The following PEBP4 variants were observed in gnomAD, a reference collection of about 807,000 sequenced individuals.
PEBP4 encodes the protein phosphatidylethanolamine-binding protein 4.
PEBP4 carries 22 observed loss-of-function variants against 23.9 expected under a neutral mutation model. The observed-to-expected ratio is 0.92, with a 90% CI of 0.66 to 1.31. The LOEUF (loss-of-function observed/expected upper bound fraction) is 1.31, where lower values mean the gene tolerates loss of function less well. PEBP4 is among the 40% of genes most tolerant of loss of function. The pLI is 0.00. For synonymous variants in PEBP4, 112 were observed against 99.3 expected, an observed-to-expected ratio of 1.13 and a Z score of -0.76; for missense variants, 324 against 281.7, an observed-to-expected ratio of 1.15 and a Z score of -1.07.
chr8:22,861,415 C>T lies in PEBP4; in HGVS notation c.259-43680G>A, dbSNP rs191531237. Among the ~76,000 whole-genome samples, 208 of 152,338 alleles carry T rather than the reference C, an allele frequency of 1.4e-3. 1 individual carries two copies. Among genetic ancestry groups the T allele is most frequent in the Non-Finnish European group, 2.2e-3 (151 of 68,036 alleles). The stretch of plus-strand genomic sequence containing the variant: ...AGCTAGGATAAATAAATATCGACTA[C>T]TATCCCCATTTCGCAAATGATACAA... On this transcript the variant is annotated intron_variant, in intron 3 of 6. Transcript: ENST00000256404.
chr8:22,883,910 G>C (rs1042594799), intron 3 of PEBP4: 5 of 152,134 alleles, frequency 3.3e-5, no homozygotes, highest in African/African-American at 1.2e-4. Context: ...ACAAAAAAAA[G>C]GGGGGACAAC....
At position 22,759,353 on chromosome 8, in the gene PEBP4, C is replaced by T. The variant is rs1278546545; in HGVS notation, c.358-32133G>A. 2.1e-5 allele frequency among the ~76,000 whole-genome samples: 3 copies of T among 146,170 alleles called. No individual in the cohort carries two copies. In the East Asian group the frequency reaches 6.0e-4, roughly 29 times the overall value. On this transcript the variant is annotated intron_variant, in intron 4 of 6. Transcript: ENST00000256404. ...AAGTGAAACATTAGAGAAGGACAGCCTTTTTTTTTTTTTCCTCAACAAAGG... is the reference window on the plus strand; with the variant it reads ...AAGTGAAACATTAGAGAAGGACAGCTTTTTTTTTTTTTTCCTCAACAAAGG...
At chr8:22,924,015 A>C (rs1809269918) in intron 2 of PEBP4, among the ~76,000 whole-genome samples, 1 of 152,218 alleles carries the variant, frequency 6.6e-6, no homozygotes, top group South Asian at 2.1e-4. Context: ...GACACATGGG[A>C]TATGAGGCTG....
intron 3 of PEBP4, among the ~76,000 whole-genome samples, chr8:22,854,926 ATGTGTGTGTGTGTGTGTG>A (rs113480248): frequency 1.5e-5 from 2 of 133,218 alleles, no homozygotes; most frequent in Admixed American, 1.4e-4. Context: ...TGAGATTAGA[ATGTGTGTGTGTGTGTGTG>A]TGTGTGTGTG....
Position 22,865,104 on chromosome 8 carries a change from G to C in PEBP4, c.259-47369C>G, listed in dbSNP as rs867924855. Among the ~76,000 whole-genome samples the C allele has an allele frequency of 3.9e-5, 6 of 152,186 alleles. No homozygotes were observed. The highest frequency in any genetic ancestry group is 1.2e-4 in the African/African-American group (5 of 41,452). ...GACGCCGAGCCCTGGATGCGAGGTG[G>C]GGGTAGACAGAAGGGCTGGGGCGGC... is the stretch of plus-strand genomic sequence containing the variant. On this transcript the variant is annotated intron_variant, in intron 3 of 6. Coordinates refer to ENST00000256404, the MANE Select transcript of PEBP4 (RefSeq NM_144962.3). This position sits in a 1 kb window ranked among gnomAD's most constrained non-coding sequence, Gnocchi z 6.9.
At chr8:22,818,973 C>A (rs1040830936) in intron 3 of PEBP4, among the ~76,000 whole-genome samples, 15 of 152,054 alleles carry the variant, frequency 9.9e-5, no homozygotes, top group Non-Finnish European at 2.1e-4. Flanking sequence ...GGAGAGGAGG[C>A]TGTTTGAAGG....
At chr8:22,905,439 C>A (rs1398773738) in intron 3 of PEBP4, among the ~76,000 whole-genome samples, 2 of 152,158 alleles carry the variant, frequency 1.3e-5, no homozygotes, top group Non-Finnish European at 2.9e-5. Flanking sequence ...TGCAGAGTTT[C>A]AAATGTTGTT....
intron 4 of PEBP4, among the ~76,000 whole-genome samples, chr8:22,735,791 G>C (rs764857240): frequency 6.6e-6 from 1 of 152,210 alleles, no homozygotes; most frequent in Non-Finnish European, 1.5e-5. Context: ...TTTTGTCATC[G>C]ATGGCCTCAC....
chr8:22,915,557 A>C (rs1299893716), intron 3 of PEBP4, among the ~76,000 whole-genome samples: 1 of 152,210 alleles, frequency 6.6e-6, no homozygotes, highest in African/African-American at 2.4e-5. Flanking sequence ...TCGTCTCTGA[A>C]TCAATAGCAC....
chr8:22,821,356 CAT>C (rs765108293), intron 3 of PEBP4, among the ~76,000 whole-genome samples: 11 of 152,286 alleles, frequency 7.2e-5, no homozygotes, highest in Non-Finnish European at 1.3e-4. Flanking sequence ...AAAGGAGAGA[CAT>C]GTGTACTGCA....
intron 6 of PEBP4, among the ~76,000 whole-genome samples, chr8:22,719,137 C>G (rs1192436855): frequency 7.2e-5 from 11 of 152,180 alleles, no homozygotes; most frequent in Admixed American, 7.2e-4. Context: ...GCCTGTGGTG[C>G]TAGGGAGCGG....
chr8:22,717,175 C>T (rs766268258), intron 6 of PEBP4, among the ~76,000 whole-genome samples: 3 of 152,164 alleles, frequency 2.0e-5, no homozygotes, highest in Non-Finnish European at 4.4e-5. Context: ...GCTGGAACCA[C>T]AGTTGTGTGC....
intron 3 of PEBP4, among the ~76,000 whole-genome samples, chr8:22,907,331 G>A (rs1225894470): frequency 6.6e-6 from 1 of 152,100 alleles, no homozygotes; most frequent in Non-Finnish European, 1.5e-5. Context: ...GGCCAACATG[G>A]TGAAACCCTG....
At chr8:22,864,509 C>A (rs1426709839) in intron 3 of PEBP4, among the ~76,000 whole-genome samples, 1 of 152,180 alleles carries the variant, frequency 6.6e-6, no homozygotes, top group Non-Finnish European at 1.5e-5. Context: ...GGGGTTCTGT[C>A]CCAGCTGGGT....
intron 6 of PEBP4, among the ~76,000 whole-genome samples, chr8:22,718,998 C>T (rs887081731): frequency 2.6e-5 from 4 of 152,306 alleles, no homozygotes; most frequent in Middle Eastern, 3.4e-3. Context: ...CTTTCTCACC[C>T]ACCGAGGCCT....
At chr8:22,723,679 T>A (rs1052060659) in intron 6 of PEBP4, among the ~76,000 whole-genome samples, 2 of 152,242 alleles carry the variant, frequency 1.3e-5, no homozygotes, top group African/African-American at 4.8e-5. Flanking sequence ...CTTAAAAGTA[T>A]GTCTTTGGCA....
At chr8:22,929,993 G>A (rs1809429422), upstream of PEBP4, among the ~76,000 whole-genome samples, 2 of 152,230 alleles carry the variant, frequency 1.3e-5, no homozygotes, top group South Asian at 2.1e-4. Flanking sequence ...GTGAGCCACC[G>A]CGCCCAGCCC....
intron 6 of PEBP4, among the ~76,000 whole-genome samples, chr8:22,723,637 C>T (rs907506522): frequency 1.3e-5 from 2 of 152,188 alleles, no homozygotes; most frequent in Non-Finnish European, 2.9e-5. Context: ...GGGCAAGATA[C>T]ATAATTTTGT....
At chr8:22,734,372 T>C (rs1804806753) in intron 4 of PEBP4, among the ~76,000 whole-genome samples, 1 of 152,062 alleles carries the variant, frequency 6.6e-6, no homozygotes, top group Non-Finnish European at 1.5e-5. Context: ...CCGTGGGAAG[T>C]GGAAGAAGGA....
Sources: allele counts gnomAD v4.1 joint callset (sites outside exome capture counted in the v4.1 genomes callset), GRCh38; gene constraint gnomAD v4.1.1; non-coding constraint Gnocchi (gnomAD v3.1); transcripts MANE v1.5; gene names NCBI Gene and HGNC (gene_info 2026-07-23, HGNC 2026-07-21).